The following FBXL7 variants were observed in gnomAD, a reference collection of about 807,000 sequenced individuals.
FBXL7 encodes the protein F-box and leucine rich repeat protein 7.
In FBXL7, 12 loss-of-function variants were observed where a neutral mutation model predicts 38.3. The observed-to-expected ratio is 0.31, with a 90% CI of 0.20 to 0.51. FBXL7 has a LOEUF of 0.51. FBXL7 is among the 20% of genes least tolerant of loss of function. The probability of loss-of-function intolerance (pLI) is 0.98; values close to 1 mark genes in which losing one functional copy is unlikely to be tolerated. For missense variants in FBXL7, 567 were observed against 676.4 expected (o/e 0.84, Z 1.79); for synonymous variants, 297 against 300.9 (o/e 0.99, Z 0.13).
chr5:15,861,698 A>G (rs144588418), intron 2 of FBXL7, among the ~76,000 whole-genome samples: 1 of 152,306 alleles, frequency 6.6e-6, no homozygotes, highest in African/African-American at 2.4e-5. Context: ...TAGTCCTATT[A>G]ACATAACCAG....
At chr5:15,826,921 C>CT (rs534242338) in intron 2 of FBXL7, among the ~76,000 whole-genome samples, 201 of 143,490 alleles carry the variant, frequency 1.4e-3, no homozygotes, top group South Asian at 3.3e-3. Flanking sequence ...GTACCTGTGG[C>CT]TTTTTTTTTT....
At chr5:15,729,713 G>A (rs1735521082) in intron 2 of FBXL7, among the ~76,000 whole-genome samples, 1 of 152,086 alleles carries the variant, frequency 6.6e-6, no homozygotes, top group Non-Finnish European at 1.5e-5. Context: ...GTGATGTATG[G>A]AAATAAATGT....
intron 2 of FBXL7, among the ~76,000 whole-genome samples, chr5:15,891,427 A>T (rs1740896123): frequency 6.6e-6 from 1 of 152,234 alleles, no homozygotes; most frequent in African/African-American, 2.4e-5. Flanking sequence ...GTAATTTTCT[A>T]CATTTTAGAA....
intron 2 of FBXL7, among the ~76,000 whole-genome samples, chr5:15,824,321 G>A (rs939346740): frequency 2.0e-5 from 3 of 149,672 alleles, no homozygotes; most frequent in African/African-American, 4.9e-5. Flanking sequence ...AGAGAAAAAC[G>A]TGGACCATTT....
chr5:15,510,559 GAAGA>G (rs1265011984), intron 1 of FBXL7, among the ~76,000 whole-genome samples: 1 of 152,068 alleles, frequency 6.6e-6, no homozygotes. Context: ...GGGAGGGGAG[GAAGA>G]AAGAACATAA....
intron 2 of FBXL7, among the ~76,000 whole-genome samples, chr5:15,822,308 G>A (rs541505732): frequency 3.3e-5 from 5 of 151,016 alleles, no homozygotes; most frequent in Admixed American, 2.6e-4. Context: ...GTTGCAGTGA[G>A]CCGAGATCAC....
chr5:15,711,382 G>C (rs532998733), intron 2 of FBXL7, among the ~76,000 whole-genome samples: 1 of 152,274 alleles, frequency 6.6e-6, no homozygotes, highest in African/African-American at 2.4e-5. Context: ...ACCTCCATGT[G>C]TCCATGTCTT....
chr5:15,583,493 G>C (rs921189600), intron 1 of FBXL7, among the ~76,000 whole-genome samples: 1 of 152,202 alleles, frequency 6.6e-6, no homozygotes, highest in Non-Finnish European at 1.5e-5. Context: ...CAATGGGGGT[G>C]CAGGCATTGG....
At chr5:15,797,838 G>A (rs937278578) in intron 2 of FBXL7, among the ~76,000 whole-genome samples, 2 of 152,130 alleles carry the variant, frequency 1.3e-5, no homozygotes, top group Admixed American at 6.5e-5. Context: ...AAAAATATAC[G>A]TTTATGCTCC....
chr5:15,599,195 G>A (rs999176382), intron 1 of FBXL7, among the ~76,000 whole-genome samples: 1 of 152,190 alleles, frequency 6.6e-6, no homozygotes, highest in South Asian at 2.1e-4. Flanking sequence ...TGCTCTTAGG[G>A]GACATAGCAG....
intron 2 of FBXL7, among the ~76,000 whole-genome samples, chr5:15,732,029 C>T (rs1488218091): frequency 6.6e-6 from 1 of 152,170 alleles, no homozygotes; most frequent in African/African-American, 2.4e-5. Flanking sequence ...TTCACTTGTT[C>T]CATTTTCCTT....
At chr5:15,574,236 A>C (rs182985278) in intron 1 of FBXL7, among the ~76,000 whole-genome samples, 5 of 152,240 alleles carry the variant, frequency 3.3e-5, no homozygotes, top group African/African-American at 4.8e-5. Context: ...TTATCATATA[A>C]CAGTTTTGAC....
chr5:15,850,245 T>C (rs1561151339), intron 2 of FBXL7, among the ~76,000 whole-genome samples: 2 of 152,230 alleles, frequency 1.3e-5, no homozygotes, highest in Non-Finnish European at 2.9e-5. Flanking sequence ...CATTCCGTTA[T>C]TATGAAGCTT....
intron 2 of FBXL7, among the ~76,000 whole-genome samples, chr5:15,652,560 T>C (rs1019746020): frequency 6.6e-6 from 1 of 152,210 alleles, no homozygotes; most frequent in Non-Finnish European, 1.5e-5. Flanking sequence ...GCCATAAGCC[T>C]GGCCAAGAAA....
chr5:15,801,636 T>TGC (rs1306381559), intron 2 of FBXL7, among the ~76,000 whole-genome samples: 1 of 145,448 alleles, frequency 6.9e-6, no homozygotes, highest in Non-Finnish European at 1.5e-5. Flanking sequence ...GGGGAGTCAG[T>TGC]GTGTGTGTGT....
intron 1 of FBXL7, among the ~76,000 whole-genome samples, chr5:15,562,722 C>T (rs1346977647): frequency 2.0e-5 from 3 of 151,992 alleles, no homozygotes; most frequent in African/African-American, 7.2e-5. Context: ...TCATCCCTTT[C>T]CCCTCCTCCT....
chr5:15,862,996 G>A (rs1304860619), intron 2 of FBXL7, among the ~76,000 whole-genome samples: 1 of 152,180 alleles, frequency 6.6e-6, no homozygotes, highest in Non-Finnish European at 1.5e-5. Context: ...ACATCTGTGT[G>A]TATTGAGAGC....
intron 2 of FBXL7, among the ~76,000 whole-genome samples, chr5:15,811,737 A>C (rs1193018161): frequency 1.3e-5 from 2 of 152,200 alleles, no homozygotes; most frequent in African/African-American, 2.4e-5. Context: ...TTGAAAAAAA[A>C]GCTGATCATC....
chr5:15,596,876 C>T (rs913349864), intron 1 of FBXL7, among the ~76,000 whole-genome samples: 2 of 152,210 alleles, frequency 1.3e-5, no homozygotes, highest in Admixed American at 1.3e-4. Flanking sequence ...TTCCCACATA[C>T]CTCGCCCTGT....
Sources: allele counts gnomAD v4.1 joint callset (sites outside exome capture counted in the v4.1 genomes callset), GRCh38; gene constraint gnomAD v4.1.1; transcripts MANE v1.5; gene names NCBI Gene and HGNC (gene_info 2026-07-23, HGNC 2026-07-21).